The following NFYA variants were observed in gnomAD, a reference collection of about 807,000 sequenced individuals.
NFYA encodes the protein CAAT-box DNA binding protein subunit A.
In NFYA, 28 loss-of-function variants were observed where a neutral mutation model predicts 52.8. The ratio of observed to expected loss-of-function variants is 0.53; its 90% CI spans 0.39 to 0.73. The LOEUF is 0.73. Ranked by LOEUF, NFYA falls within the 30% of genes least tolerant of loss-of-function variation. The pLI, the probability that NFYA is intolerant of heterozygous loss-of-function variation, is 0.00. For missense variants in NFYA, 234 were observed against 427.0 expected, an observed-to-expected ratio of 0.55 and a Z score of 3.98; for synonymous variants, 150 against 150.7, an observed-to-expected ratio of 1.00 and a Z score of 0.03.
rs1399627063 is a variant in NFYA at position 41,100,726 on chromosome 6, T to C, written c.*3316T>C. On this transcript the variant is annotated 3_prime_UTR_variant, in exon 10 of 10. Transcript: ENST00000341376. Reference sequence around the variant, plus strand: ...TGAGGGAAAGACCTCTCGATATTTATCTCACACCAACGGCTTTATCGTAGG... The same window carrying C: ...TGAGGGAAAGACCTCTCGATATTTACCTCACACCAACGGCTTTATCGTAGG... Among the ~76,000 whole-genome samples the C allele has an allele frequency of 6.6e-6, 1 of 152,250 alleles. No individual in the cohort carries two copies. Among genetic ancestry groups the C allele is most frequent in the Non-Finnish European group, 1.5e-5 (1 of 68,042 alleles).
At chr6:41,078,638 CAT>C (rs1763809114) in intron 1 of NFYA, among the ~76,000 whole-genome samples, 1 of 152,082 alleles carries the variant, frequency 6.6e-6, no homozygotes, top group Non-Finnish European at 1.5e-5. Context: ...ACCTGAGTAA[CAT>C]GTTTGGTGGG....
chr6:41,086,087 A>G (rs992869096), intron 4 of NFYA, among the ~76,000 whole-genome samples: 2 of 152,146 alleles, frequency 1.3e-5, no homozygotes, highest in African/African-American at 4.8e-5. Flanking sequence ...CCCTATTGCT[A>G]TATCCTTTCT....
chr6:41,085,495 C>A (rs1252270284), intron 4 of NFYA, among the ~76,000 whole-genome samples: 2 of 151,910 alleles, frequency 1.3e-5, no homozygotes, highest in Admixed American at 6.6e-5. Flanking sequence ...TCATAACCAA[C>A]CCCCCATGAG....
At chr6:41,089,204 G>A (rs556341506) in intron 4 of NFYA, among the ~76,000 whole-genome samples, 5 of 152,074 alleles carry the variant, frequency 3.3e-5, no homozygotes, top group African/African-American at 7.2e-5. Context: ...GGCTGGTCTC[G>A]AACTCCTGAC....
rs1219390839 is a variant in NFYA at position 41,102,162 on chromosome 6, G to T, written c.*4752G>T. 6.6e-6 allele frequency: 1 copy of T among 152,092 alleles called. No individual in the cohort carries two copies. Among genetic ancestry groups the T allele is most frequent in the Non-Finnish European group, 1.5e-5 (1 of 68,042 alleles). 9.4% of individuals were successfully genotyped at this position (152,092 alleles called of 1,614,324 possible). On this transcript the variant is annotated 3_prime_UTR_variant, in exon 10 of 10. Coordinates refer to ENST00000341376, the MANE Select transcript of NFYA (RefSeq NM_002505.5). ...CAAGGTGTGGTGCTGGGCTCCTGGG[G>T]GTTTATAAAAGAAGGGGGCCAGAAG...
intron 2 of NFYA, among the ~76,000 whole-genome samples, chr6:41,080,350 G>A (rs1005089768): frequency 4.6e-5 from 7 of 151,992 alleles, no homozygotes; most frequent in Non-Finnish European, 1.0e-4. Flanking sequence ...GAGCATTGAC[G>A]TCATGAAGAT....
intron 2 of NFYA, 85 bp from the exon 3 acceptor site, chr6:41,080,726 T>G (rs1282753291): frequency 1.8e-6 from 2 of 1,120,034 alleles, no homozygotes; most frequent in Non-Finnish European, 2.7e-6. Context: ...TCCGTCTCTC[T>G]CCTCCAAGAG....
chr6:41,090,350 AC>A (rs750746862), intron 6 of NFYA, 41 bp downstream of exon 6: 30 of 1,361,032 alleles, frequency 2.2e-5, no homozygotes, highest in South Asian at 3.5e-5. Context: ...TTTTGGGGCA[AC>A]TTTTTTGTCC....
intron 4 of NFYA, among the ~76,000 whole-genome samples, chr6:41,085,749 T>G (rs1220538758): frequency 2.1e-5 from 3 of 140,112 alleles, no homozygotes; most frequent in African/African-American, 9.2e-5. Flanking sequence ...GGGTTGTGTT[T>G]TCATTTTTTT....
At chr6:41,093,181 C>A in intron 8 of NFYA, 96 bp downstream of exon 8, 1 of 1,086,726 alleles carries the variant, frequency 9.2e-7, no homozygotes, top group Non-Finnish European at 1.3e-6. Flanking sequence ...ACGTACCTTC[C>A]AAACAATTGA....
intron 4 of NFYA, among the ~76,000 whole-genome samples, chr6:41,084,599 A>G (rs1763991250): frequency 1.3e-5 from 2 of 152,378 alleles, no homozygotes; most frequent in South Asian, 2.1e-4. Context: ...AAGCAGACCA[A>G]TAAAACAGGT....
Position 41,079,639 on chromosome 6 carries a change from T to C in NFYA, c.75+475T>C, listed in dbSNP as rs150821141. Among the ~76,000 whole-genome samples, 920 of 152,312 alleles carry C rather than the reference T, an allele frequency of 6.0e-3. 11 individuals carry two copies. The highest frequency in any genetic ancestry group is 0.021 in the African/African-American group (871 of 41,566). The stretch of plus-strand genomic sequence containing the variant: ...GACAGCCATTCTTATGGATAAGACA[T>C]ACTAGAAAGGAATTCCCTGCTGCTG... On this transcript the variant is annotated intron_variant, in intron 2 of 9. Coordinates refer to ENST00000341376, the MANE Select transcript of NFYA (RefSeq NM_002505.5).
At chr6:41,080,670 C>T in intron 2 of NFYA, 141 bp from the exon 3 acceptor site, 1 of 587,328 alleles carries the variant, frequency 1.7e-6, no homozygotes, top group South Asian at 2.5e-5. Flanking sequence ...TTCAACAAAA[C>T]AGCTTCAATA....
intron 2 of NFYA, among the ~76,000 whole-genome samples, chr6:41,079,429 C>CT (rs1257628923): frequency 1.3e-5 from 2 of 152,152 alleles, no homozygotes; most frequent in Non-Finnish European, 2.9e-5. Flanking sequence ...GAAATTTGGA[C>CT]TTTAAAATTT....
Position 41,079,157 on chromosome 6 carries a change from A to G in NFYA, c.68A>G (p.Gln23Arg), listed in dbSNP as rs548689141. The change falls in exon 2 of 10, where the codon CAG becomes CGG. Residue 23 changes from glutamine (Q) to arginine (R), a missense_variant. Physicochemically the swap from Gln to Arg is conservative, Grantham distance 43. This residue lies in a region of NFYA where 118 missense variants were observed against 182.4 expected (regional missense o/e 0.65). Coordinates refer to ENST00000341376, the MANE Select transcript of NFYA (RefSeq NM_002505.5). ...ATTGTTGTCCAGGCAGGACAGATTC[A>G]GCAGCAGGTATGGAAGCAAAACTGC... Reference protein sequence around the residue: ...EQIVVQAGQIQQQQQGGVTAV... With the variant: ...EQIVVQAGQIRQQQQGGVTAV... The G allele has an allele frequency of 6.2e-7, 1 of 1,614,200 alleles. No individual in the cohort carries two copies. The highest frequency in any genetic ancestry group is 2.2e-5 in the East Asian group (1 of 44,886).
At position 41,099,110 on chromosome 6, in the gene NFYA, G is replaced by A. The variant is rs1486757983; in HGVS notation, c.*1700G>A. On this transcript the variant is annotated 3_prime_UTR_variant, in exon 10 of 10. Transcript: ENST00000341376. ...GAGCTATGCAAAGGAAACAGGAAGT[G>A]AAATATTCCTAGTCCCAGGGATCTG... The A allele has an allele frequency of 6.6e-6, 1 of 152,222 alleles. No homozygotes were observed. Among genetic ancestry groups the A allele is most frequent in the African/African-American group, 2.4e-5 (1 of 41,458 alleles). 9.4% of individuals were successfully genotyped at this position (152,222 alleles called of 1,614,324 possible).
chr6:41,082,250 G>A (rs1213353656), intron 3 of NFYA, among the ~76,000 whole-genome samples: 3 of 152,170 alleles, frequency 2.0e-5, no homozygotes, highest in Admixed American at 6.5e-5. Context: ...AAATTAAGCC[G>A]AAAGAAACTG....
intron 9 of NFYA, 141 bp from the exon 10 acceptor site, chr6:41,097,216 A>T: frequency 1.4e-6 from 1 of 713,294 alleles, no homozygotes; most frequent in Non-Finnish European, 2.5e-6. Flanking sequence ...TAAGCCATGT[A>T]TGCAGACTTA....
chr6:41,098,627 C>T lies in NFYA; in HGVS notation c.*1217C>T, dbSNP rs990399730. The T allele has an allele frequency of 8.5e-5, 13 of 152,770 alleles. No individual in the cohort carries two copies. Among genetic ancestry groups the T allele is most frequent in the African/African-American group, 2.6e-4 (11 of 41,568 alleles). The allele number at this position is 152,770 out of a possible 1,614,324, so 9.5% of individuals were successfully genotyped here. ...CACTAAAGCTTGAGGTGGATGTTGG[C>T]TTCACTCCTGCAGCACAATGCTGGC... On this transcript the variant is annotated 3_prime_UTR_variant, in exon 10 of 10. Transcript: ENST00000341376.
Sources: gnomAD v4.1 joint callset for allele counts (sites outside exome capture counted in the v4.1 genomes callset) on GRCh38, gnomAD v4.1.1 for gene constraint, gnomAD v4.1.1 regional missense constraint, MANE v1.5 for transcripts, NCBI Gene and HGNC (gene_info 2026-07-23, HGNC 2026-07-21) for gene names.